MIB2: variants seen among roughly 807,000 people sequenced by gnomAD.
MIB2 encodes E3 ubiquitin-protein ligase MIB2.
In MIB2, 78 loss-of-function variants were observed where a neutral mutation model predicts 96.6. The ratio of observed to expected loss-of-function variants is 0.81; its 90% confidence interval spans 0.67 to 0.97. The LOEUF is 0.97. Among genes scored for constraint, MIB2 ranks in the 50% least tolerant of loss-of-function variants. MIB2 has a pLI of 0.00. For missense variants in MIB2, 1,543 were observed against 1,424.0 expected, an observed-to-expected ratio of 1.08 and a Z score of -1.35; for synonymous variants, 820 against 629.5, an observed-to-expected ratio of 1.30 and a Z score of -4.53.
intron 2 of MIB2, among the ~76,000 whole-genome samples, chr1:1,621,225 G>GCGCCCCCGCCC: frequency 1.3e-5 from 2 of 152,252 alleles, no homozygotes; most frequent in African/African-American, 4.8e-5. Flanking sequence ...CCATGGGGAG[G>GCGCCCCCGCCC]GCCTGTGGGT....
chr1:1,626,785 G>C lies in MIB2; in HGVS notation c.1077+31G>C. 1 of 1,580,708 alleles carries C rather than the reference G, an allele frequency of 6.3e-7. No individual in the cohort carries two copies. Among genetic ancestry groups the C allele is most frequent in the Non-Finnish European group, 8.6e-7 (1 of 1,165,454 alleles). On this transcript the variant is annotated intron_variant, in intron 9 of 19. Transcript: ENST00000355826. The surrounding 1 kb of genome is among the most constrained non-coding windows in gnomAD (Gnocchi z 5.3). ...TCCCCCTGCCACCCCCGCCGCTAGC[G>C]CCGCTGCCCCCCACACCTGCAGCCT...
intron 1 of MIB2, chr1:1,616,000 C>T: frequency 1.0e-6 from 1 of 984,912 alleles, no homozygotes; most frequent in Non-Finnish European, 1.2e-6. Context: ...GGTGGGTGGC[C>T]TCGAACGCCG....
rs987647055 is a variant in MIB2 at position 1,625,501 on chromosome 1, C to T, written c.865-45C>T. 1.3e-6 allele frequency: 2 copies of T among 1,550,152 alleles called. No individual in the cohort carries two copies. Among genetic ancestry groups the T allele is most frequent in the Non-Finnish European group, 8.7e-7 (1 of 1,145,360 alleles). On this transcript the variant is annotated intron_variant, in intron 7 of 19. Transcript: ENST00000355826. The surrounding 1 kb of genome is among the most constrained non-coding windows in gnomAD (Gnocchi z 5.0). Reference sequence around the variant, plus strand: ...TCCGCCCCCTCAGCCCCTTCCTCCCCAAGCGTCCAGCCCGACCCAGCCACA... The same window carrying T: ...TCCGCCCCCTCAGCCCCTTCCTCCCTAAGCGTCCAGCCCGACCCAGCCACA...
In MIB2 at chr1:1,623,925, C is replaced by T. The variant is rs768320234; in HGVS notation, c.399C>T (p.Tyr133=). The stretch of plus-strand genomic sequence containing the variant: ...AGCTCGCCCACGCCTTCGACCGCTA[C>T]GAGACCGCTCACTCGCGCCCGTGAG... ...KHELAHAFDR[Y]ETAHSRPVTL... The change falls in exon 4 of 20, where the codon TAC becomes TAT. Residue 133 remains tyrosine, a synonymous_variant. Transcript: ENST00000355826. The T allele has an allele frequency of 4.0e-5, 65 of 1,609,020 alleles. No individual in the cohort carries two copies. In the Middle Eastern group the frequency reaches 6.6e-4, roughly 16 times the overall value.
Position 1,625,285 on chromosome 1 carries a change from G to A in MIB2, c.722-1G>A, listed in dbSNP as rs1644637696. ...GAGGCCTGGTCTGCCACCCTCCGCA[G>A]GCAAGCCGGCGGAGCTGCAGCGCAG... On this transcript the variant is annotated splice_acceptor_variant, in intron 6 of 19. Transcript: ENST00000355826. LOFTEE classifies it high-confidence loss of function. This position sits in a 1 kb window ranked among gnomAD's most constrained non-coding sequence, Gnocchi z 5.0. 6.3e-7 allele frequency: 1 copy of A among 1,590,658 alleles called. No homozygotes were observed. The highest frequency in any genetic ancestry group is 1.8e-5 in the Admixed American group (1 of 56,390).
At chr1:1,629,357 CCT>C in intron 17 of MIB2, 26 bp from the exon 18 acceptor site, 1 of 1,438,164 alleles carries the variant, frequency 7.0e-7, no homozygotes, top group Non-Finnish European at 9.0e-7. Context: ...CCTCCGGGCC[CCT>C]CTCAAGCCGC....
rs1644570953 is a variant in MIB2 at position 1,624,698 on chromosome 1, AG to A, written c.420-92del. 6 of 1,158,202 alleles carry A rather than the reference AG, an allele frequency of 5.2e-6. No individual in the cohort carries two copies. The Admixed American group carries it at 7.9e-5, about 15-fold the overall frequency. The allele number at this position is 1,158,202 out of a possible 1,614,324, so 71.7% of individuals were successfully genotyped here. A position where few individuals can be genotyped will look rare whatever the true frequency, so the allele number is the denominator to read the frequency against. On this transcript the variant is annotated intron_variant, in intron 4 of 19. Transcript: ENST00000355826. ...GCGGAGCCCAGCAGGCTGGGTGGACAGGGGGCCTGCTCCACTGCATCGCTCT... is the reference window on the plus strand; with the variant it reads ...GCGGAGCCCAGCAGGCTGGGTGGACAGGGGCCTGCTCCACTGCATCGCTCT...
At position 1,625,052 on chromosome 1, in the gene MIB2, G is replaced by A; in HGVS notation, c.588G>A (p.Arg196=). 1.9e-6 allele frequency: 3 copies of A among 1,613,288 alleles called. No homozygotes were observed. The highest frequency in any genetic ancestry group is 1.6e-4 in the Middle Eastern group (1 of 6,062). ...DIRGWDVETG[R]SVASVTWADG... is the part of the protein sequence containing the mutation. ...GTGGCTGGGATGTGGAGACAGGCCGGAGTGTGGCCAGCGTGACGTGGGCTG... is the reference window on the plus strand; with the variant it reads ...GTGGCTGGGATGTGGAGACAGGCCGAAGTGTGGCCAGCGTGACGTGGGCTG... Residue 196 remains arginine, a synonymous_variant, in exon 6 of 20, where the codon CGG becomes CGA. Coordinates refer to ENST00000355826, the MANE Select transcript of MIB2 (RefSeq NM_001170687.4). This position sits in a 1 kb window ranked among gnomAD's most constrained non-coding sequence, Gnocchi z 5.0.
rs1477683348 is a variant in MIB2 at position 1,630,390 on chromosome 1, A to T, written c.2728A>T (p.Thr910Ser). The T allele has an allele frequency of 6.4e-7, 1 of 1,560,076 alleles. No individual in the cohort carries two copies. The highest frequency in any genetic ancestry group is 8.7e-7 in the Non-Finnish European group (1 of 1,155,192). ...SRYRQMEERI[T>S]CPICIDSHIR... is the part of the protein sequence containing the mutation. ...CTACCGGCAGATGGAGGAACGCATC[A>T]CCTGCCCCATCTGCATCGACAGCCA... The change falls in exon 20 of 20, where the codon ACC becomes TCC. Residue 910 changes from threonine to serine, a missense_variant. Coordinates refer to ENST00000355826, the MANE Select transcript of MIB2 (RefSeq NM_001170687.4).
intron 4 of MIB2, 68 bp from the exon 5 acceptor site, chr1:1,624,727 C>G (rs1302049116): frequency 6.9e-7 from 1 of 1,443,394 alleles, no homozygotes; most frequent in African/African-American, 1.4e-5. Flanking sequence ...ATCGCTCTCC[C>G]AAGTGGCTCA....
In MIB2 at chr1:1,616,610, G is replaced by A. The variant is rs2100295633; in HGVS notation, c.-27G>A. 1 of 1,591,244 alleles carries A rather than the reference G, an allele frequency of 6.3e-7. No individual in the cohort carries two copies. The highest frequency in any genetic ancestry group is 1.1e-5 in the South Asian group (1 of 88,186). ...GGCCCGGCGGGCGACTGGACGGCCG[G>A]ACAGGTGAGCTCTTGATCGTCCGCG... On this transcript the variant is annotated 5_prime_UTR_variant, in exon 2 of 20. Transcript: ENST00000355826.
Position 1,630,410 on chromosome 1 carries a change from C to T in MIB2, c.2748C>T (p.Asp916=), listed in dbSNP as rs375232586. 2.0e-4 allele frequency: 311 copies of T among 1,578,954 alleles called. 1 individual carries two copies. Among genetic ancestry groups the T allele is most frequent in the Non-Finnish European group, 2.2e-4 (253 of 1,164,314 alleles). Residue 916 remains aspartate, a synonymous_variant, in exon 20 of 20, where the codon GAC becomes GAT. Transcript: ENST00000355826. The part of the protein sequence containing the change: ...EERITCPICI[D]SHIRLVFQCG... ...GCATCACCTGCCCCATCTGCATCGACAGCCACATCCGCCTCGTGTTCCAGT... is the reference window on the plus strand; with the variant it reads ...GCATCACCTGCCCCATCTGCATCGATAGCCACATCCGCCTCGTGTTCCAGT...
At position 1,625,539 on chromosome 1, in the gene MIB2, G is replaced by A. The variant is rs771643002; in HGVS notation, c.865-7G>A. The A allele has an allele frequency of 1.1e-5, 16 of 1,459,642 alleles. No homozygotes were observed. The highest frequency in any genetic ancestry group is 9.9e-5 in the Admixed American group (5 of 50,264). 90.4% of individuals were successfully genotyped at this position (1,459,642 alleles called of 1,614,324 possible). ...CGACCCAGCCACAGCTCCATGACCC[G>A]CCACAGTTTATCGGACAGACGGGCA... On this transcript the variant is annotated splice_polypyrimidine_tract_variant and splice_region_variant and intron_variant, in intron 7 of 19. Coordinates refer to ENST00000355826, the MANE Select transcript of MIB2 (RefSeq NM_001170687.4). The surrounding 1 kb of genome is among the most constrained non-coding windows in gnomAD (Gnocchi z 5.0).
chr1:1,619,397 C>G (rs566636322), intron 2 of MIB2, among the ~76,000 whole-genome samples: 1 of 152,318 alleles, frequency 6.6e-6, no homozygotes, highest in South Asian at 2.1e-4. Flanking sequence ...ACTGCTGGCC[C>G]CTCCAGAGGG....
At chr1:1,621,910 G>A (rs927191426) in intron 2 of MIB2, among the ~76,000 whole-genome samples, 6 of 152,240 alleles carry the variant, frequency 3.9e-5, no homozygotes, top group African/African-American at 1.4e-4. Flanking sequence ...ACAACCTGTG[G>A]GGCTCAGGCC....
chr1:1,616,440 G>A, intron 1 of MIB2, 68 bp from the exon 2 acceptor site: 1 of 1,172,084 alleles, frequency 8.5e-7, no homozygotes, highest in Non-Finnish European at 1.2e-6. Context: ...AGCCCCGGGG[G>A]CAGACAGGCG....
Position 1,624,789 on chromosome 1 carries a change from T to G in MIB2, c.420-6T>G. 6.2e-7 allele frequency: 1 copy of G among 1,611,458 alleles called. No homozygotes were observed. Among genetic ancestry groups the G allele is most frequent in the Non-Finnish European group, 8.5e-7 (1 of 1,178,996 alleles). On this transcript the variant is annotated splice_region_variant and splice_polypyrimidine_tract_variant and intron_variant, in intron 4 of 19. Transcript: ENST00000355826. ...CTGAGAGCTTTATTTGTGAACCCTCTTGCAGTGTCACACTGAGTCCCCGCC... is the reference window on the plus strand; with the variant it reads ...CTGAGAGCTTTATTTGTGAACCCTCGTGCAGTGTCACACTGAGTCCCCGCC...
chr1:1,628,782 G>A (rs1645068441), intron 16 of MIB2, 60 bp downstream of exon 16: 6 of 1,340,962 alleles, frequency 4.5e-6, no homozygotes, highest in Non-Finnish European at 6.0e-6. Flanking sequence ...GCAGGCTCTG[G>A]GCAGGGCCTG....
In MIB2 at chr1:1,623,780, G is replaced by T. The variant is rs776519849; in HGVS notation, c.254G>T (p.Arg85Leu). ...LLYDNAQIGV[R>L]HPNIICDCCK... is the part of the protein sequence containing the mutation. The stretch of plus-strand genomic sequence containing the variant: ...GACCCCACCCCACCCCCAGGCGTCC[G>T]GCACCCCAACATCATCTGTGACTGC... The change falls in exon 4 of 20, where the codon CGG (arginine) becomes CTG (leucine). Residue 85 changes from arginine (R) to leucine (L), a missense_variant. Transcript: ENST00000355826. The T allele has an allele frequency of 3.1e-6, 5 of 1,595,992 alleles. No individual in the cohort carries two copies. The highest frequency in any genetic ancestry group is 4.3e-6 in the Non-Finnish European group (5 of 1,172,218).
Sources: allele counts gnomAD v4.1 joint callset (sites outside exome capture counted in the v4.1 genomes callset), GRCh38; gene constraint gnomAD v4.1.1; non-coding constraint Gnocchi (gnomAD v3.1); transcripts MANE v1.5; gene names NCBI Gene and HGNC (gene_info 2026-07-23, HGNC 2026-07-21).